The following NRTN variants were observed in gnomAD, a reference collection of about 807,000 sequenced individuals.
The protein encoded by NRTN is prepro-neurturin.
Under a neutral mutation model 7.5 loss-of-function variants are expected in NRTN, and 3 were observed. The observed-to-expected ratio is 0.40, with a 90% CI of 0.18 to 1.03. NRTN has a LOEUF of 1.03. NRTN is among the 50% of genes least tolerant of loss of function. NRTN has a pLI of 0.34. For synonymous variants in NRTN, 157 were observed against 146.6 expected, an observed-to-expected ratio of 1.07 and a Z score of -0.51; for missense variants, 310 against 307.0, an observed-to-expected ratio of 1.01 and a Z score of -0.07.
chr19:5,813,635 C>T (rs968575137), intron 1 of NRTN, among the ~76,000 whole-genome samples: 1 of 150,548 alleles, frequency 6.6e-6, no homozygotes, highest in African/African-American at 2.5e-5. Flanking sequence ...GATCATGCCA[C>T]TGCACTCCAG....
At position 5,806,501 on chromosome 19, in the gene NRTN, C is replaced by T. The variant is rs1190080282; in HGVS notation, c.-399+1050C>T. On this transcript the variant is annotated intron_variant, in intron 1 of 2. Coordinates refer to ENST00000303212, the MANE Select transcript of NRTN (RefSeq NM_004558.5). The surrounding 1 kb of genome is among the most constrained non-coding windows in gnomAD (Gnocchi z 5.4). ...CCTCTTTGTCTGTCTCTGAGTGCCC[C>T]GGGCTGAGGAAGCCTGGGTGGGGTG... 6.6e-6 allele frequency among the ~76,000 whole-genome samples: 1 copy of T among 152,096 alleles called. No individual in the cohort carries two copies. Among genetic ancestry groups the T allele is most frequent in the African/African-American group, 2.4e-5 (1 of 41,404 alleles).
chr19:5,824,411 TG>T lies in NRTN; in HGVS notation c.169+84del, dbSNP rs552271819. ...TTTCAGGCAGTGGAGTGGGAGGTGG[TG>T]GGGGGGTGTCATAGGTTTTTTAAAG... is the stretch of plus-strand genomic sequence containing the variant. On this transcript the variant is annotated intron_variant, in intron 2 of 2. Transcript: ENST00000303212. 1.3e-3 allele frequency: 1,430 copies of T among 1,073,790 alleles called. 15 individuals carry two copies. The African/African-American group carries it at 0.031, about 23-fold the overall frequency. The allele number at this position is 1,073,790 out of a possible 1,614,324, so 66.5% of individuals were successfully genotyped here.
intron 1 of NRTN, among the ~76,000 whole-genome samples, chr19:5,815,427 A>ATTTTT: frequency 8.3e-6 from 1 of 120,082 alleles, no homozygotes. Flanking sequence ...TGTGAGTGTG[A>ATTTTT]TTTTTTTTTT....
rs1338480072 is a variant in NRTN, at chr19:5,805,087, C to T, written c.-763C>T. On this transcript the variant is annotated 5_prime_UTR_variant, in exon 1 of 3. Transcript: ENST00000303212. ...CGGGCGGAGGCGGCGGGAGAGCGCG[C>T]CCTGAAGCCGCTCCGAGTGCCCAGG... 2.0e-5 allele frequency among the ~76,000 whole-genome samples: 3 copies of T among 146,732 alleles called. No individual in the cohort carries two copies. Among genetic ancestry groups the T allele is most frequent in the South Asian group, 2.1e-4 (1 of 4,814 alleles).
At chr19:5,823,401 G>C (rs1599639012) in intron 1 of NRTN, among the ~76,000 whole-genome samples, 1 of 152,206 alleles carries the variant, frequency 6.6e-6, no homozygotes, top group African/African-American at 2.4e-5. Flanking sequence ...TGAGGGACAA[G>C]AGTGAGACTC....
intron 1 of NRTN, among the ~76,000 whole-genome samples, chr19:5,813,575 G>A (rs971207876): frequency 6.6e-6 from 1 of 152,116 alleles, no homozygotes; most frequent in Non-Finnish European, 1.5e-5. Context: ...TCGGGAGGCT[G>A]AGGCAGGAAA....
At chr19:5,810,806 G>A (rs976520324) in intron 1 of NRTN, among the ~76,000 whole-genome samples, 3 of 151,800 alleles carry the variant, frequency 2.0e-5, no homozygotes, top group African/African-American at 7.3e-5. Flanking sequence ...GCTCGTGCCT[G>A]TAATCCCAGC....
chr19:5,828,187 G>C lies in NRTN; in HGVS notation c.*14G>C. 1 of 1,529,042 alleles carries C rather than the reference G, an allele frequency of 6.5e-7. No homozygotes were observed. Among genetic ancestry groups the C allele is most frequent in the African/African-American group, 1.4e-5 (1 of 72,606 alleles). 94.7% of individuals were successfully genotyped at this position (1,529,042 alleles called of 1,614,324 possible). On this transcript the variant is annotated 3_prime_UTR_variant, in exon 3 of 3. Transcript: ENST00000303212. The stretch of plus-strand genomic sequence containing the variant: ...GCCTGCGTGTGACCCTACCTCACTC[G>C]GCCGGCGCGGCGGCCACTCCCCCCG...
In NRTN at chr19:5,806,300, G is replaced by T. The variant is rs533449457; in HGVS notation, c.-399+849G>T. Among the ~76,000 whole-genome samples, 1 of 152,072 alleles carries T rather than the reference G, an allele frequency of 6.6e-6. No homozygotes were observed. The highest frequency in any genetic ancestry group is 1.5e-5 in the Non-Finnish European group (1 of 68,006). Reference sequence around the variant, plus strand: ...ACTGTCCCCTCCCCAGAACGCATCCGACCTGCCCACAGGCCTGTGATTACC... The same window carrying T: ...ACTGTCCCCTCCCCAGAACGCATCCTACCTGCCCACAGGCCTGTGATTACC... On this transcript the variant is annotated intron_variant, in intron 1 of 2. Transcript: ENST00000303212. The surrounding 1 kb of genome is among the most constrained non-coding windows in gnomAD (Gnocchi z 5.4).
intron 1 of NRTN, among the ~76,000 whole-genome samples, chr19:5,807,426 G>C (rs1351090555): frequency 6.6e-6 from 1 of 152,222 alleles, no homozygotes; most frequent in Non-Finnish European, 1.5e-5. Context: ...GGGGCCTCAA[G>C]GTGGAGGTGG....
At chr19:5,815,427 ATTT>A (rs754233565) in intron 1 of NRTN, among the ~76,000 whole-genome samples, 4 of 120,074 alleles carry the variant, frequency 3.3e-5, no homozygotes, top group Non-Finnish European at 3.4e-5. Context: ...TGTGAGTGTG[ATTT>A]TTTTTTTTTT....
At chr19:5,813,455 T>C (rs1351484432) in intron 1 of NRTN, among the ~76,000 whole-genome samples, 1 of 150,864 alleles carries the variant, frequency 6.6e-6, no homozygotes, top group African/African-American at 2.5e-5. Context: ...GCGGATCACT[T>C]GAGGTCAGGA....
In NRTN at chr19:5,806,385, G is replaced by T. The variant is rs1021784083; in HGVS notation, c.-399+934G>T. Among the ~76,000 whole-genome samples, 1 of 152,266 alleles carries T rather than the reference G, an allele frequency of 6.6e-6. No homozygotes were observed. The highest frequency in any genetic ancestry group is 2.1e-4 in the South Asian group (1 of 4,826). On this transcript the variant is annotated intron_variant, in intron 1 of 2. Coordinates refer to ENST00000303212, the MANE Select transcript of NRTN (RefSeq NM_004558.5). The surrounding 1 kb of genome is among the most constrained non-coding windows in gnomAD (Gnocchi z 5.4). ...GGGGCCAGGGGCTTAAAGCAGGGGG[G>T]TGCAGGAGGCCGGACCCCTGACTTT...
chr19:5,822,218 CAAAT>C (rs1225543879), intron 1 of NRTN, among the ~76,000 whole-genome samples: 2 of 152,034 alleles, frequency 1.3e-5, no homozygotes, highest in Non-Finnish European at 2.9e-5. Flanking sequence ...AAATCCCATG[CAAAT>C]AAATCTCTGG....
chr19:5,825,900 C>T (rs777454109), intron 2 of NRTN, among the ~76,000 whole-genome samples: 61 of 152,096 alleles, frequency 4.0e-4, no homozygotes, highest in Admixed American at 2.9e-3. Flanking sequence ...TTTGGGAGGC[C>T]GAGGTGGGCG....
rs1353802033 is a variant in NRTN at position 5,806,062 on chromosome 19, C to G, written c.-399+611C>G. Among the ~76,000 whole-genome samples the G allele has an allele frequency of 6.6e-6, 1 of 152,148 alleles. No homozygotes were observed. The highest frequency in any genetic ancestry group is 2.4e-5 in the African/African-American group (1 of 41,444). On this transcript the variant is annotated intron_variant, in intron 1 of 2. Transcript: ENST00000303212. This position sits in a 1 kb window ranked among gnomAD's most constrained non-coding sequence, Gnocchi z 5.4. ...CCTTTGGTGTTGGGGGTGGGGGTCC[C>G]TTAAGGGCAAAGCCTGGATGTGAAG...
Position 5,814,488 on chromosome 19 carries a change from G to A in NRTN, c.-399+9037G>A, listed in dbSNP as rs564883816. Among the ~76,000 whole-genome samples the A allele has an allele frequency of 4.6e-5, 7 of 152,324 alleles. No homozygotes were observed. In the South Asian group the frequency reaches 1.2e-3, roughly 27 times the overall value. On this transcript the variant is annotated intron_variant, in intron 1 of 2. Coordinates refer to ENST00000303212, the MANE Select transcript of NRTN (RefSeq NM_004558.5). ...CTCTCAGGTGCTACTCTTTGAGATCGGGAGTTCTGTAGGACAGAGGCTTTT... is the reference window on the plus strand; with the variant it reads ...CTCTCAGGTGCTACTCTTTGAGATCAGGAGTTCTGTAGGACAGAGGCTTTT...
intron 1 of NRTN, among the ~76,000 whole-genome samples, chr19:5,817,630 AAGGCAGGCAGGC>A (rs111430527): frequency 1.1e-4 from 12 of 112,038 alleles, no homozygotes; most frequent in Non-Finnish European, 1.5e-4. Flanking sequence ...GAAAAAGAAG[AAGGCAGGCAGGC>A]AGGCAGGCAG....
At chr19:5,808,258 C>T (rs1234476357) in intron 1 of NRTN, among the ~76,000 whole-genome samples, 1 of 152,188 alleles carries the variant, frequency 6.6e-6, no homozygotes, top group African/African-American at 2.4e-5. Flanking sequence ...GGACCCATGT[C>T]GCTCAAGCCA....
Sources: allele counts gnomAD v4.1 joint callset (sites outside exome capture counted in the v4.1 genomes callset), GRCh38; gene constraint gnomAD v4.1.1; non-coding constraint Gnocchi (gnomAD v3.1); transcripts MANE v1.5; gene names NCBI Gene and HGNC (gene_info 2026-07-23, HGNC 2026-07-21).